The following SNAPC4 variants were observed in gnomAD, a reference collection of about 807,000 sequenced individuals.
The protein encoded by SNAPC4 is small nuclear RNA activating complex polypeptide 4.
A neutral mutation model predicts 151.3 loss-of-function variants in SNAPC4; 127 were observed. The observed-to-expected ratio is 0.84, with a 90% CI of 0.73 to 0.97. The LOEUF (loss-of-function observed/expected upper bound fraction) is 0.97. Among genes scored for constraint, SNAPC4 ranks in the 50% least tolerant of loss-of-function variants. The pLI is 0.00. For missense variants in SNAPC4, 2,186 were observed against 1,935.0 expected (o/e 1.13, Z -2.43); for synonymous variants, 1,002 against 824.4 (o/e 1.22, Z -3.69).
intron 9 of SNAPC4, 22 bp from the exon 10 acceptor site, chr9:136,392,128 G>C: frequency 1.2e-6 from 2 of 1,609,968 alleles, no homozygotes; most frequent in Non-Finnish European, 1.7e-6. Flanking sequence ...GAGACACTCA[G>C]CCTTGCAGGC....
In SNAPC4 at chr9:136,384,745, A is replaced by G; in HGVS notation, c.1395T>C (p.Ile465=). 1 of 1,566,330 alleles carries G rather than the reference A, an allele frequency of 6.4e-7. No homozygotes were observed. The highest frequency in any genetic ancestry group is 8.7e-7 in the Non-Finnish European group (1 of 1,144,006). ...CGACACCATATTTTTCTATTAATTC[A>G]ATTAACTGTTCCTCTTCTTTTAAAT... is the stretch of plus-strand genomic sequence containing the variant. ...RWNLKEEEQL[I]ELIEKYGVGH... The change falls in exon 14 of 24, where the codon ATT becomes ATC. Residue 465 remains isoleucine, a synonymous_variant. Coordinates refer to ENST00000684778, the MANE Select transcript of SNAPC4 (RefSeq NM_003086.4).
chr9:136,400,067 C>T (rs1311906832), intron 1 of SNAPC4, 67 bp downstream of exon 1: 1 of 152,150 alleles, frequency 6.6e-6, no homozygotes, highest in Non-Finnish European at 1.5e-5. Context: ...GACAGCGCCC[C>T]CTCCACGGGG....
At chr9:136,380,139 AG>A (rs1833634763) in intron 20 of SNAPC4, among the ~76,000 whole-genome samples, 2 of 152,182 alleles carry the variant, frequency 1.3e-5, no homozygotes. Context: ...CCTGAACCGC[AG>A]GCTGCTGCTG....
At chr9:136,393,679 G>A (rs1834159575) in intron 7 of SNAPC4, among the ~76,000 whole-genome samples, 1 of 152,032 alleles carries the variant, frequency 6.6e-6, no homozygotes, top group Non-Finnish European at 1.5e-5. Flanking sequence ...TCGTGGCCGT[G>A]TGGACCGACC....
chr9:136,396,872 T>G (rs145327245), intron 3 of SNAPC4, 105 bp downstream of exon 3: 1 of 828,542 alleles, frequency 1.2e-6, no homozygotes, highest in Non-Finnish European at 2.1e-6. Context: ...ATTTTTATAA[T>G]GCAGAAAAAC....
At chr9:136,394,371 C>T in intron 6 of SNAPC4, 41 bp from the exon 7 acceptor site, 1 of 1,543,490 alleles carries the variant, frequency 6.5e-7, no homozygotes, top group Non-Finnish European at 9.0e-7. Flanking sequence ...GGTCTGGATC[C>T]TCTCCACGGC....
Position 136,378,632 on chromosome 9 carries a change from C to G in SNAPC4, c.3195G>C (p.Gly1065=). The G allele has an allele frequency of 1.4e-5, 22 of 1,553,914 alleles. No individual in the cohort carries two copies. Among genetic ancestry groups the G allele is most frequent in the Non-Finnish European group, 1.8e-5 (21 of 1,152,724 alleles). Residue 1065 remains glycine, a synonymous_variant, in exon 22 of 24, where the codon GGG becomes GGC. Coordinates refer to ENST00000684778, the MANE Select transcript of SNAPC4 (RefSeq NM_003086.4). Reference sequence around the variant, plus strand: ...GGGGGACACTGGTCGCCACATGTGGCCCTCCTATGTGCGTCAGGCTGAGGG... The same window carrying G: ...GGGGGACACTGGTCGCCACATGTGGGCCTCCTATGTGCGTCAGGCTGAGGG... ...VQPLSLTHIG[G]PHVATSVPLP... is the part of the protein sequence containing the mutation.
In SNAPC4 at chr9:136,387,509, C is replaced by T. The variant is rs78878865; in HGVS notation, c.1301G>A (p.Arg434Lys). 1 of 1,613,774 alleles carries T rather than the reference C, an allele frequency of 6.2e-7. No individual in the cohort carries two copies. The highest frequency in any genetic ancestry group is 2.2e-5 in the East Asian group (1 of 44,878). ...CCGATCTCGGCACTGGGCATCGCTC[C>T]TACCTGGCACCTCTTCCCGGATTTT... ...WFKIREEVPG[R>K]SDAQCRDRYL... The change falls in exon 13 of 24, where the codon AGG (arginine) becomes AAG (lysine). Residue 434 changes from arginine (R) to lysine (K), a missense_variant. Arg to Lys is a conservative substitution (Grantham distance 26, BLOSUM62 2). Transcript: ENST00000684778.
intron 10 of SNAPC4, among the ~76,000 whole-genome samples, chr9:136,388,936 C>T (rs565317480): frequency 1.3e-5 from 2 of 152,368 alleles, no homozygotes; most frequent in East Asian, 1.9e-4. Context: ...GGCTGGGAGA[C>T]GCACTGCTCT....
rs1833941155 is a variant in SNAPC4 at position 136,387,814 on chromosome 9, C to G, written c.1158G>C (p.Gln386His). Residue 386 changes from glutamine to histidine, a missense_variant, in exon 12 of 24, where the codon CAG becomes CAC. Transcript: ENST00000684778. ...AGCTCTTGGTCCATCGGTAGATCAG[C>G]TGCATGGAGTCTCTCCCTTCCATAT... is the stretch of plus-strand genomic sequence containing the variant. ...VYYMEGRDSM[Q>H]LIYRWTKSLD... 1 of 1,611,678 alleles carries G rather than the reference C, an allele frequency of 6.2e-7. No homozygotes were observed. The highest frequency in any genetic ancestry group is 1.7e-5 in the Admixed American group (1 of 59,998).
At position 136,377,738 on chromosome 9, in the gene SNAPC4, C is replaced by T. The variant is rs527593815; in HGVS notation, c.4089G>A (p.Leu1363=). 175 of 1,610,112 alleles carry T rather than the reference C, an allele frequency of 1.1e-4. 2 individuals carry two copies. The South Asian group carries it at 1.8e-3, about 17-fold the overall frequency. Residue 1363 remains leucine (L), a synonymous_variant, in exon 22 of 24, where the codon CTG becomes CTA. Coordinates refer to ENST00000684778, the MANE Select transcript of SNAPC4 (RefSeq NM_003086.4). ...AGGCTGCCAGGAACCGCGCCCGCAA[C>T]AGGAGGTAGGCCGGGTTGTCCTGGA... ...GQLQDNPAYL[L]LRARFLAAFT...
chr9:136,392,366 C>T (rs1834107942), intron 9 of SNAPC4, among the ~76,000 whole-genome samples, 156 bp downstream of exon 9: 1 of 152,210 alleles, frequency 6.6e-6, no homozygotes, highest in South Asian at 2.1e-4. Flanking sequence ...TCGCCATTCC[C>T]GACTGTGGGA....
Position 136,383,064 on chromosome 9 carries a change from G to A in SNAPC4, c.1983+122C>T. The A allele has an allele frequency of 2.1e-6, 3 of 1,401,248 alleles. No homozygotes were observed. The highest frequency in any genetic ancestry group is 1.5e-5 in the South Asian group (1 of 64,652). 86.8% of individuals were successfully genotyped at this position (1,401,248 alleles called of 1,614,324 possible). A position where few individuals can be genotyped will look rare whatever the true frequency, so the allele number is the denominator to read the frequency against. On this transcript the variant is annotated intron_variant, in intron 16 of 23. Transcript: ENST00000684778. This position sits in a 1 kb window ranked among gnomAD's most constrained non-coding sequence, Gnocchi z 4.2. ...ACAGCTGTCCAGAGCTCAGCCAGAA[G>A]TAGCACGTTCTGATGCACACGAACC...
rs554747425 is a variant in SNAPC4, at chr9:136,389,034, T to A, written c.976-443A>T. On this transcript the variant is annotated intron_variant, in intron 10 of 23. Coordinates refer to ENST00000684778, the MANE Select transcript of SNAPC4 (RefSeq NM_003086.4). Reference sequence around the variant, plus strand: ...TATCTCTCAGCTAAGGGGTATGGGGTGGAGGAGGTACGGGACAGCCCTTGG... The same window carrying A: ...TATCTCTCAGCTAAGGGGTATGGGGAGGAGGAGGTACGGGACAGCCCTTGG... 7.2e-5 allele frequency among the ~76,000 whole-genome samples: 11 copies of A among 152,064 alleles called. No individual in the cohort carries two copies. The East Asian group carries it at 2.1e-3, about 30-fold the overall frequency.
intron 11 of SNAPC4, among the ~76,000 whole-genome samples, chr9:136,388,156 A>G (rs1050147954): frequency 6.6e-6 from 1 of 151,990 alleles, no homozygotes; most frequent in Admixed American, 6.6e-5. Flanking sequence ...AATCCCAGCT[A>G]CTTGGGAGGC....
At chr9:136,381,770 C>T in intron 18 of SNAPC4, 54 bp downstream of exon 18, 2 of 1,569,294 alleles carry the variant, frequency 1.3e-6, no homozygotes, top group Non-Finnish European at 1.7e-6. Flanking sequence ...TGGATGTACT[C>T]TTCATCCTCA....
chr9:136,397,142 C>T lies in SNAPC4; in HGVS notation c.131-119G>A. On this transcript the variant is annotated intron_variant, in intron 2 of 23. Coordinates refer to ENST00000684778, the MANE Select transcript of SNAPC4 (RefSeq NM_003086.4). The stretch of plus-strand genomic sequence containing the variant: ...TGTGAGGTAGTGACAGCGCCTCAGG[C>T]TGAGGCTGGCGGTGAGCGGACCTTC... The T allele has an allele frequency of 4.5e-6, 4 of 894,662 alleles. 1 individual carries two copies. The South Asian group carries it at 5.3e-5, about 12-fold the overall frequency. 55.4% of individuals were successfully genotyped at this position (894,662 alleles called of 1,614,324 possible).
At position 136,397,462 on chromosome 9, in the gene SNAPC4, T is replaced by TC. The variant is rs1554782697; in HGVS notation, c.131-440_131-439insG. Reference sequence around the variant, plus strand: ...GTCTGGGAGAGGTGGGAAGCAAGGCTGGGGGGGTCTCCTGTCAGGGCAGCA... The same window carrying TC: ...GTCTGGGAGAGGTGGGAAGCAAGGCTCGGGGGGGTCTCCTGTCAGGGCAGCA... On this transcript the variant is annotated intron_variant, in intron 2 of 23. Coordinates refer to ENST00000684778, the MANE Select transcript of SNAPC4 (RefSeq NM_003086.4). 3.8e-4 allele frequency among the ~76,000 whole-genome samples: 55 copies of TC among 143,450 alleles called. 1 individual carries two copies. Among genetic ancestry groups the TC allele is most frequent in the Admixed American group, 3.1e-3 (45 of 14,376 alleles). 94.1% of individuals were successfully genotyped at this position (143,450 alleles called of 152,430 possible). A position where few individuals can be genotyped will look rare whatever the true frequency, so the allele number is the denominator to read the frequency against.
chr9:136,394,427 G>T, intron 6 of SNAPC4, 97 bp from the exon 7 acceptor site: 3 of 1,069,892 alleles, frequency 2.8e-6, no homozygotes, highest in East Asian at 2.4e-5. Context: ...GTGGTGGGGG[G>T]CCCCACAGCG....
Sources: gnomAD v4.1 joint callset for allele counts (sites outside exome capture counted in the v4.1 genomes callset) on GRCh38, gnomAD v4.1.1 for gene constraint, Gnocchi (gnomAD v3.1) non-coding constraint, MANE v1.5 for transcripts, NCBI Gene and HGNC (gene_info 2026-07-23, HGNC 2026-07-21) for gene names.